SYTL2: variants seen among roughly 807,000 people sequenced by gnomAD.
SYTL2 encodes the protein synaptotagmin-like protein 2.
SYTL2 carries 165 observed loss-of-function variants against 198.7 expected under a neutral mutation model. The ratio of observed to expected loss-of-function variants is 0.83; its 90% CI spans 0.73 to 0.94. The LOEUF is 0.94. SYTL2 is among the 40% of genes least tolerant of loss of function. The probability of loss-of-function intolerance (pLI) is 0.00; values close to 1 mark genes in which losing one functional copy is unlikely to be tolerated. For missense variants in SYTL2, 2,835 were observed against 2,582.8 expected (o/e 1.10, Z -2.12); for synonymous variants, 966 against 917.7 (o/e 1.05, Z -0.95).
the SYTL2 span, among the ~76,000 whole-genome samples, chr11:85,852,197 C>A: frequency 6.6e-6 from 1 of 152,048 alleles, no homozygotes; most frequent in African/African-American, 2.4e-5. Flanking sequence ...TTTTAAAAAA[C>A]AAATTCAAGA....
At chr11:85,831,084 T>C in the SYTL2 span, among the ~76,000 whole-genome samples, 1 of 152,298 alleles carries the variant, frequency 6.6e-6, no homozygotes, top group East Asian at 1.9e-4. Flanking sequence ...TGGGTGTTAA[T>C]AAATAAATAA....
At chr11:85,752,951 A>C (rs930790477) in intron 2 of SYTL2, among the ~76,000 whole-genome samples, 13 of 133,862 alleles carry the variant, frequency 9.7e-5, no homozygotes, top group South Asian at 7.2e-4. Flanking sequence ...AAAAAAAAAA[A>C]CACAACTAGG....
Position 85,696,300 on chromosome 11 carries a change from C to T in SYTL2, c.6457G>A (p.Val2153Met). 6.2e-7 allele frequency: 1 copy of T among 1,614,028 alleles called. No individual in the cohort carries two copies. ...TTNPIFNHTM[V>M]YDGFRPEDLM... ...TCTTCAGGCCTGAACCCATCATACA[C>T]CATAGTGTGGTTGAAGATAGGGTTG... The change falls in exon 19 of 20, where the codon GTG becomes ATG. Residue 2153 changes from valine to methionine, a missense_variant. Physicochemically the swap from Val to Met is conservative, Grantham distance 21 (BLOSUM62 1). Transcript: ENST00000359152.
chr11:85,705,099 A>G (rs1413013516), intron 15 of SYTL2, 71 bp from the exon 16 acceptor site: 1 of 1,265,728 alleles, frequency 7.9e-7, no homozygotes, highest in Non-Finnish European at 1.1e-6. Context: ...ACAGAGATGA[A>G]GAGAAATTCA....
Position 85,724,025 on chromosome 11 carries a change from T to C in SYTL2, c.5326+7A>G. The C allele has an allele frequency of 9.1e-6, 13 of 1,431,770 alleles. No individual in the cohort carries two copies. Among genetic ancestry groups the C allele is most frequent in the Non-Finnish European group, 1.2e-5 (13 of 1,090,132 alleles). The allele number at this position is 1,431,770 out of a possible 1,614,324, so 88.7% of individuals were successfully genotyped here. A position where few individuals can be genotyped will look rare whatever the true frequency, so the allele number is the denominator to read the frequency against. ...TCACTGTGAGTTAAAAAATTTTAAA[T>C]GCTCACTGGAAGGATTTCTCCAGCT... is the stretch of plus-strand genomic sequence containing the variant. On this transcript the variant is annotated splice_region_variant and intron_variant, in intron 8 of 19. Coordinates refer to ENST00000359152, the MANE Select transcript of SYTL2 (RefSeq NM_206927.4).
intron 19 of SYTL2, among the ~76,000 whole-genome samples, chr11:85,695,795 G>A (rs1288064465): frequency 1.3e-5 from 2 of 152,252 alleles, no homozygotes; most frequent in South Asian, 2.1e-4. Context: ...AGACTTGTGA[G>A]GATTCAATGA....
At chr11:85,833,109 A>G in the SYTL2 span, among the ~76,000 whole-genome samples, 1 of 74,014 alleles carries the variant, frequency 1.4e-5, no homozygotes, top group Non-Finnish European at 2.8e-5. Flanking sequence ...GAAGGAAGGA[A>G]GGAAGGAAGG....
the SYTL2 span, among the ~76,000 whole-genome samples, chr11:85,828,351 A>C: frequency 6.6e-6 from 1 of 152,260 alleles, no homozygotes; most frequent in Non-Finnish European, 1.5e-5. Context: ...TAAATGGTTA[A>C]GAAAAATGAT....
chr11:85,733,581 G>GTT lies in SYTL2; in HGVS notation c.1390+356_1390+357dup, dbSNP rs67133901. The GTT allele has an allele frequency of 1.7e-3, 202 of 119,584 alleles. 5 individuals carry two copies. Among genetic ancestry groups the GTT allele is most frequent in the African/African-American group, 6.0e-3 (182 of 30,162 alleles). The allele number at this position is 119,584 out of a possible 1,614,324, so 7.4% of individuals were successfully genotyped here. A position where few individuals can be genotyped will look rare whatever the true frequency, so the allele number is the denominator to read the frequency against. ...GGCCTGGGCATTTCAAGCCCACCAA[G>GTT]TTTTTTTTTTTTGTTTTTTTTTTTT... On this transcript the variant is annotated intron_variant, in intron 7 of 19. Coordinates refer to ENST00000359152, the MANE Select transcript of SYTL2 (RefSeq NM_206927.4).
At chr11:85,767,386 CA>C (rs2153571820) in intron 1 of SYTL2, among the ~76,000 whole-genome samples, 1 of 152,278 alleles carries the variant, frequency 6.6e-6, no homozygotes, top group East Asian at 1.9e-4. Flanking sequence ...AAAAGCCAAA[CA>C]CTGATAACAG....
At position 85,724,575 on chromosome 11, in the gene SYTL2, CCTT is replaced by C. The variant is rs879407393; in HGVS notation, c.4780_4782del (p.Lys1594del). On this transcript the variant is annotated inframe_deletion, in exon 8 of 20. Transcript: ENST00000359152. ...CTGGTCTGCTCTGACTGTGAGGACT[CCTT>C]CTCGTGAGTTTCTTCTCTCACTGAC... The C allele has an allele frequency of 1.6e-5, 26 of 1,613,214 alleles. No individual in the cohort carries two copies. Among genetic ancestry groups the C allele is most frequent in the Admixed American group, 3.3e-5 (2 of 59,828 alleles).
At chr11:85,699,687 A>G (rs1047283694) in intron 17 of SYTL2, among the ~76,000 whole-genome samples, 5 of 152,154 alleles carry the variant, frequency 3.3e-5, no homozygotes, top group Admixed American at 3.3e-4. Context: ...TACTGAAAGC[A>G]TTTGAGTTTA....
chr11:85,698,223 G>A, intron 17 of SYTL2, 145 bp from the exon 18 acceptor site: 1 of 589,650 alleles, frequency 1.7e-6, no homozygotes, highest in Non-Finnish European at 3.0e-6. Context: ...AATCTATACA[G>A]TCTTAACTAA....
intron 12 of SYTL2, among the ~76,000 whole-genome samples, chr11:85,711,754 CAT>C (rs147439934): frequency 6.6e-6 from 1 of 151,524 alleles, no homozygotes; most frequent in Non-Finnish European, 1.5e-5. Flanking sequence ...AACTCAAGGC[CAT>C]ATATATATAT....
chr11:85,832,139 T>C, the SYTL2 span, among the ~76,000 whole-genome samples: 2 of 152,196 alleles, frequency 1.3e-5, no homozygotes, highest in Non-Finnish European at 2.9e-5. Flanking sequence ...TCTGCAGAAC[T>C]TAGGAGGCAT....
intron 4 of SYTL2, among the ~76,000 whole-genome samples, chr11:85,740,954 A>C (rs2090741060): frequency 6.6e-6 from 1 of 152,246 alleles, no homozygotes; most frequent in African/African-American, 2.4e-5. Context: ...GCTGCCTGCT[A>C]TACCCAGCCA....
Position 85,734,288 on chromosome 11 carries a change from C to A in SYTL2, c.1041G>T (p.Gly347=), listed in dbSNP as rs374885999. The A allele has an allele frequency of 4.3e-6, 7 of 1,614,198 alleles. No individual in the cohort carries two copies. In the Admixed American group the frequency reaches 6.7e-5, roughly 15 times the overall value. The change falls in exon 7 of 20, where the codon GGG becomes GGT. Residue 347 remains glycine (G), a synonymous_variant. Transcript: ENST00000359152. ...CTCCTACTTCCCGACCATGGATTAG[C>A]CCAGGACTCTGTGGAAGCTCATCCT... The part of the protein sequence containing the change: ...AVKDELPQSP[G]LIHGREVGEF...
intron 17 of SYTL2, among the ~76,000 whole-genome samples, chr11:85,700,035 G>T (rs1404764530): frequency 6.6e-6 from 1 of 152,058 alleles, no homozygotes; most frequent in Non-Finnish European, 1.5e-5. Flanking sequence ...CTGAATACAG[G>T]CCATTCACAT....
chr11:85,725,536 A>G lies in SYTL2; in HGVS notation c.3822T>C (p.Asp1274=). ...GGAGAGCTGTATTTCCAAAAGTTTC[A>G]TCTCTCACTGGAAAAGGAGCTAGTA... ...REILAPFPVR[D]ETFGNTALLK... Residue 1274 remains aspartate, a synonymous_variant, in exon 8 of 20, where the codon GAT becomes GAC. Transcript: ENST00000359152. 1 of 1,614,064 alleles carries G rather than the reference A, an allele frequency of 6.2e-7. No individual in the cohort carries two copies. The highest frequency in any genetic ancestry group is 8.5e-7 in the Non-Finnish European group (1 of 1,179,982).
Sources: allele counts gnomAD v4.1 joint callset (sites outside exome capture counted in the v4.1 genomes callset), GRCh38; gene constraint gnomAD v4.1.1; transcripts MANE v1.5; gene names NCBI Gene and HGNC (gene_info 2026-07-23, HGNC 2026-07-21).